ANKRD12: variants seen among roughly 807,000 people sequenced by gnomAD.
The protein encoded by ANKRD12 is ankyrin repeat domain-containing protein 12.
ANKRD12 carries 85 observed loss-of-function variants against 183.4 expected under a neutral mutation model. That is an observed-to-expected ratio of 0.46 (90% CI 0.39 to 0.56). The LOEUF is 0.56. Ranked by LOEUF, ANKRD12 falls within the 20% of genes least tolerant of loss-of-function variation. ANKRD12 has a pLI of 0.00. For missense variants in ANKRD12, 2,405 were observed against 2,357.1 expected (o/e 1.02, Z -0.42); for synonymous variants, 914 against 800.2 (o/e 1.14, Z -2.40).
At chr18:9,276,360 C>G (rs970498913) in intron 11 of ANKRD12, among the ~76,000 whole-genome samples, 3 of 152,128 alleles carry the variant, frequency 2.0e-5, no homozygotes, top group African/African-American at 7.2e-5. Context: ...TTAGACTCTT[C>G]TGAGCTTTAT....
intron 1 of ANKRD12, among the ~76,000 whole-genome samples, chr18:9,177,774 C>T (rs2033391015): frequency 6.6e-6 from 1 of 152,186 alleles, no homozygotes; most frequent in South Asian, 2.1e-4. Flanking sequence ...CTGTCATTCT[C>T]TCTACCTTCG....
chr18:9,269,924 G>GA (rs1368828975), intron 10 of ANKRD12, among the ~76,000 whole-genome samples: 4 of 151,698 alleles, frequency 2.6e-5, no homozygotes, highest in East Asian at 1.9e-4. Context: ...AGATTTACAA[G>GA]AAAAAACCCC....
intron 2 of ANKRD12, among the ~76,000 whole-genome samples, chr18:9,191,140 T>C (rs2034430403): frequency 6.6e-6 from 1 of 152,230 alleles, no homozygotes; most frequent in Admixed American, 6.5e-5. Flanking sequence ...GTGTGATGGC[T>C]GTTGCCAGTT....
chr18:9,159,010 C>T (rs1450083087), intron 1 of ANKRD12, among the ~76,000 whole-genome samples: 4 of 152,172 alleles, frequency 2.6e-5, no homozygotes, highest in Non-Finnish European at 5.9e-5. Context: ...ATGCCTTTGA[C>T]ATATCACTAT....
At chr18:9,223,801 T>C (rs1432013460) in intron 8 of ANKRD12, among the ~76,000 whole-genome samples, 1 of 152,208 alleles carries the variant, frequency 6.6e-6, no homozygotes, top group African/African-American at 2.4e-5. Flanking sequence ...TGCAGTTTCT[T>C]ATTAAGTAGA....
chr18:9,244,472 A>T (rs760194888), intron 8 of ANKRD12, among the ~76,000 whole-genome samples: 1 of 152,102 alleles, frequency 6.6e-6, no homozygotes, highest in Non-Finnish European at 1.5e-5. Context: ...GATGTGTGCT[A>T]CTGTGCCCAG....
intron 3 of ANKRD12, among the ~76,000 whole-genome samples, chr18:9,201,262 T>A (rs1039677889): frequency 6.6e-6 from 1 of 152,232 alleles, no homozygotes; most frequent in Non-Finnish European, 1.5e-5. Context: ...AGTTTCCACC[T>A]AAGTGAACTT....
intron 8 of ANKRD12, among the ~76,000 whole-genome samples, chr18:9,222,514 A>C (rs1415520951): frequency 1.3e-5 from 2 of 151,974 alleles, no homozygotes; most frequent in Non-Finnish European, 2.9e-5. Flanking sequence ...ATAACAAAAA[A>C]ACATTTACTG....
At chr18:9,210,329 C>T (rs2035721316) in intron 5 of ANKRD12, among the ~76,000 whole-genome samples, 1 of 152,084 alleles carries the variant, frequency 6.6e-6, no homozygotes, top group Non-Finnish European at 1.5e-5. Flanking sequence ...GTCTTCTAAG[C>T]AGTGATGAGT....
intron 1 of ANKRD12, among the ~76,000 whole-genome samples, chr18:9,162,477 T>C (rs1338092718): frequency 6.6e-6 from 1 of 152,208 alleles, no homozygotes; most frequent in Admixed American, 6.5e-5. Context: ...TGATTCCATG[T>C]CTTTGCTATT....
intron 1 of ANKRD12, among the ~76,000 whole-genome samples, chr18:9,161,752 G>GTA (rs10647806): frequency 0.11 from 16,520 of 150,940 alleles, 1,058 homozygotes; most frequent in African/African-American, 0.16. Flanking sequence ...GTGTGTGTGT[G>GTA]TATATATATA....
intron 1 of ANKRD12, among the ~76,000 whole-genome samples, chr18:9,139,567 A>T (rs868121091): frequency 6.6e-6 from 1 of 152,232 alleles, no homozygotes; most frequent in Non-Finnish European, 1.5e-5. Flanking sequence ...GGTTAATGCA[A>T]TCATTTCCAT....
At chr18:9,240,466 G>A (rs976989852) in intron 8 of ANKRD12, among the ~76,000 whole-genome samples, 2 of 152,092 alleles carry the variant, frequency 1.3e-5, no homozygotes, top group South Asian at 2.1e-4. Flanking sequence ...AACCATAATC[G>A]TGGAAATGGA....
chr18:9,257,194 A>G lies in ANKRD12; in HGVS notation c.3927A>G (p.Arg1309=). 6.2e-7 allele frequency: 1 copy of G among 1,614,162 alleles called. No individual in the cohort carries two copies. Among genetic ancestry groups the G allele is most frequent in the Non-Finnish European group, 8.5e-7 (1 of 1,179,994 alleles). The part of the protein sequence containing the change: ...SEGRPTIEVR[R]CSMPSVICEH... ...GGAGACCTACCATAGAAGTTCGAAG[A>G]TGTAGCATGCCTTCTGTCATTTGTG... The change falls in exon 9 of 13, where the codon AGA becomes AGG. Residue 1309 remains arginine, a synonymous_variant. Transcript: ENST00000262126.
At chr18:9,236,221 A>G (rs1415267881) in intron 8 of ANKRD12, among the ~76,000 whole-genome samples, 1 of 152,226 alleles carries the variant, frequency 6.6e-6, no homozygotes, top group Non-Finnish European at 1.5e-5. Context: ...GAATGGAGCT[A>G]AAACTATAGA....
chr18:9,174,909 C>T (rs11664852), intron 1 of ANKRD12, among the ~76,000 whole-genome samples: 1 of 150,816 alleles, frequency 6.6e-6, no homozygotes, highest in Non-Finnish European at 1.5e-5. Context: ...AAGATAGTGA[C>T]TAGAGCAAAC....
intron 6 of ANKRD12, among the ~76,000 whole-genome samples, chr18:9,212,741 C>T (rs1274900856): frequency 6.6e-6 from 1 of 151,602 alleles, no homozygotes; most frequent in Non-Finnish European, 1.5e-5. Context: ...ATAAAAGAGC[C>T]ATTTTCCTCA....
At chr18:9,273,981 A>G (rs962986850) in intron 10 of ANKRD12, among the ~76,000 whole-genome samples, 1 of 152,252 alleles carries the variant, frequency 6.6e-6, no homozygotes, top group South Asian at 2.1e-4. Context: ...TTGAAGAAAG[A>G]AAGGCAGCTG....
chr18:9,275,475 C>T (rs376326995), intron 10 of ANKRD12, 49 bp from the exon 11 acceptor site: 27 of 1,570,944 alleles, frequency 1.7e-5, no homozygotes, highest in Non-Finnish European at 5.2e-6. Flanking sequence ...TGTTCTTAAA[C>T]AAAAATTTGT....
Sources: allele counts gnomAD v4.1 joint callset (sites outside exome capture counted in the v4.1 genomes callset), GRCh38; gene constraint gnomAD v4.1.1; transcripts MANE v1.5; gene names NCBI Gene and HGNC (gene_info 2026-07-23, HGNC 2026-07-21).